Variants in SHROOM2 observed in about 807,000 individuals in gnomAD.
SHROOM2 encodes the protein shroom family member 2, also known as protein Shroom2.
SHROOM2 carries 33 observed loss-of-function variants against 75.9 expected under a neutral mutation model. The ratio of observed to expected loss-of-function variants is 0.43; its 90% CI spans 0.33 to 0.58. The LOEUF is 0.58. SHROOM2 is among the 20% of genes least tolerant of loss of function. The pLI is 0.04. For missense variants in SHROOM2, 1,434 were observed against 1,461.2 expected (o/e 0.98, Z 0.30); for synonymous variants, 655 against 663.6 (o/e 0.99, Z 0.20).
rs757991765 is a variant in SHROOM2, at chrX:9,908,193, C to T, written c.2891+9903C>T. Among the ~76,000 whole-genome samples the T allele has an allele frequency of 8.9e-5, 10 of 112,668 alleles. No individual in the cohort carries two copies. In the South Asian group the frequency reaches 2.9e-3, roughly 33 times the overall value. On this transcript the variant is annotated intron_variant, in intron 5 of 9. Transcript: ENST00000380913. ...TTCACAGCCCAAGAATGCAGGAGCA[C>T]GCAGGATGCTGGAGCACCAGCTTTT...
At chrX:9,921,004 G>A (rs982693700) in intron 5 of SHROOM2, among the ~76,000 whole-genome samples, 2 of 112,204 alleles carry the variant, frequency 1.8e-5, no homozygotes, top group African/African-American at 6.5e-5. Context: ...TTGTGGCTCA[G>A]CATCTCCTGA....
chrX:9,792,028 AT>A (rs1569132774), intron 1 of SHROOM2, among the ~76,000 whole-genome samples: 6,760 of 12,023 alleles, frequency 0.56, 846 homozygotes, highest in Middle Eastern at 0.61. Flanking sequence ...ATAGAATAGA[AT>A]AGAATAGAAT....
intron 1 of SHROOM2, among the ~76,000 whole-genome samples, chrX:9,813,758 A>C (rs2083804191): frequency 9.0e-6 from 1 of 111,631 alleles, no homozygotes; most frequent in Non-Finnish European, 1.9e-5. Context: ...CTTCCTATCG[A>C]TTTCCCTTCT....
chrX:9,891,894 C>T (rs189295423), intron 3 of SHROOM2, among the ~76,000 whole-genome samples: 1 of 104,201 alleles, frequency 9.6e-6, no homozygotes, highest in East Asian at 3.0e-4. Context: ...TGTGTGTGTG[C>T]GCGTGCGTGC....
chrX:9,878,072 C>G (rs774122814), intron 2 of SHROOM2, among the ~76,000 whole-genome samples: 2 of 112,057 alleles, frequency 1.8e-5, no homozygotes, highest in East Asian at 5.6e-4. Flanking sequence ...TTTCAAACAC[C>G]CTAGGGAAAA....
At chrX:9,841,202 C>T (rs965037001) in intron 1 of SHROOM2, among the ~76,000 whole-genome samples, 2 of 111,715 alleles carry the variant, frequency 1.8e-5, no homozygotes, top group African/African-American at 3.3e-5. Context: ...GTGATCCTTC[C>T]GCCTCGGCCT....
chrX:9,942,305 C>G (rs2084779210), intron 8 of SHROOM2, among the ~76,000 whole-genome samples: 1 of 111,798 alleles, frequency 8.9e-6, no homozygotes, highest in African/African-American at 3.3e-5. Flanking sequence ...GGGGGGTTTC[C>G]CACACACCCA....
In SHROOM2 at chrX:9,934,618, T is replaced by C. The variant is rs149522248; in HGVS notation, c.3587+1748T>C. Among the ~76,000 whole-genome samples, 284 of 111,464 alleles carry C rather than the reference T, an allele frequency of 2.5e-3. 1 individual carries two copies. Among genetic ancestry groups the C allele is most frequent in the Middle Eastern group, 9.3e-3 (2 of 216 alleles). On this transcript the variant is annotated intron_variant, in intron 6 of 9. Coordinates refer to ENST00000380913, the MANE Select transcript of SHROOM2 (RefSeq NM_001649.4). ...GGTCGCTGGAAGGTCCGACCCACTG[T>C]GTTCTGTCCTTATTTTGAAGTCAAG...
intron 1 of SHROOM2, among the ~76,000 whole-genome samples, chrX:9,833,906 G>A (rs1273076471): frequency 9.0e-6 from 1 of 111,081 alleles, no homozygotes; most frequent in Non-Finnish European, 1.9e-5. Context: ...GTGGCCACAC[G>A]TGTCCCTGGG....
intron 2 of SHROOM2, among the ~76,000 whole-genome samples, chrX:9,887,463 A>G (rs1254344910): frequency 1.8e-5 from 2 of 112,212 alleles, no homozygotes; most frequent in African/African-American, 6.5e-5. Flanking sequence ...CCTGGGCAAC[A>G]TAGCAAGACC....
At chrX:9,896,964 A>G (rs943111596) in intron 4 of SHROOM2, among the ~76,000 whole-genome samples, 1 of 112,136 alleles carries the variant, frequency 8.9e-6, no homozygotes, top group Non-Finnish European at 1.9e-5. Flanking sequence ...GTTTCCCCTT[A>G]AGTAGCTTGC....
intron 1 of SHROOM2, among the ~76,000 whole-genome samples, chrX:9,858,035 C>T (rs1253947197): frequency 8.9e-6 from 1 of 111,775 alleles, no homozygotes; most frequent in Non-Finnish European, 1.9e-5. Flanking sequence ...TATGTTTTCC[C>T]CGTGTTGCCT....
chrX:9,911,213 A>G (rs1401087414), intron 5 of SHROOM2, among the ~76,000 whole-genome samples: 1 of 111,641 alleles, frequency 9.0e-6, no homozygotes, highest in Non-Finnish European at 1.9e-5. Context: ...CTCTCAGTGT[A>G]AGTGTGTCAG....
intron 2 of SHROOM2, among the ~76,000 whole-genome samples, chrX:9,886,168 C>T (rs1474776590): frequency 1.8e-5 from 2 of 112,503 alleles, no homozygotes; most frequent in East Asian, 5.6e-4. Context: ...TTTCTGAAGG[C>T]ATGGAAGTCT....
At chrX:9,939,046 C>T in intron 7 of SHROOM2, 149 bp from the exon 8 acceptor site, 1 of 433,282 alleles carries the variant, frequency 2.3e-6, no homozygotes, top group Non-Finnish European at 3.9e-6. Flanking sequence ...TTGTTACCTA[C>T]TTACTTTTCC....
chrX:9,802,927 T>TTTTTTTC (rs1463914689), intron 1 of SHROOM2, among the ~76,000 whole-genome samples: 2 of 96,975 alleles, frequency 2.1e-5, no homozygotes, highest in African/African-American at 3.9e-5. Context: ...GCAGATTTCT[T>TTTTTTTC]TTTTTTTTTT....
At chrX:9,787,503 T>C (rs2083621591) in intron 1 of SHROOM2, among the ~76,000 whole-genome samples, 1 of 112,655 alleles carries the variant, frequency 8.9e-6, no homozygotes, top group African/African-American at 3.2e-5. Context: ...GTGGTCATTT[T>C]CTCTGGGAAG....
chrX:9,820,393 C>G (rs760778919), intron 1 of SHROOM2, among the ~76,000 whole-genome samples: 1 of 109,963 alleles, frequency 9.1e-6, no homozygotes, highest in Admixed American at 9.8e-5. Context: ...TAAATAGAGT[C>G]TTGCTCTGTC....
chrX:9,820,173 A>T (rs867340635), intron 1 of SHROOM2, among the ~76,000 whole-genome samples: 2 of 88,573 alleles, frequency 2.3e-5, no homozygotes, highest in Admixed American at 1.4e-4. Flanking sequence ...TTATTGCAGT[A>T]TTTTTTTTTT....
Sources: gnomAD v4.1 joint callset for allele counts (sites outside exome capture counted in the v4.1 genomes callset) on GRCh38, gnomAD v4.1.1 for gene constraint, MANE v1.5 for transcripts, NCBI Gene and HGNC (gene_info 2026-07-23, HGNC 2026-07-21) for gene names.